Variants in GTF2A1L observed in about 807,000 individuals in gnomAD.
The protein encoded by GTF2A1L is TFIIA-alpha and beta-like factor.
In GTF2A1L, 48 loss-of-function variants were observed where a neutral mutation model predicts 49.7. The ratio of observed to expected loss-of-function variants is 0.97; its 90% CI spans 0.77 to 1.23. The LOEUF is 1.23. Ranked by LOEUF, GTF2A1L falls within the 50% of genes most tolerant of loss-of-function variation. The pLI is 0.00. For missense variants in GTF2A1L, 736 were observed against 564.8 expected (o/e 1.30, Z -3.07); for synonymous variants, 246 against 193.5 (o/e 1.27, Z -2.25).
intron 3 of GTF2A1L, among the ~76,000 whole-genome samples, chr2:48,627,252 A>C (rs532868562): frequency 1.4e-5 from 2 of 144,480 alleles, no homozygotes; most frequent in African/African-American, 4.9e-5. Flanking sequence ...ACTACACTAA[A>C]ACTCAACAAA....
chr2:48,676,236 A>T (rs1679460361), intron 8 of GTF2A1L, among the ~76,000 whole-genome samples: 1 of 151,836 alleles, frequency 6.6e-6, no homozygotes, highest in South Asian at 2.1e-4. Context: ...CTATTGTAGG[A>T]TTACTAAAAT....
chr2:48,655,486 C>G (rs1678119653), intron 6 of GTF2A1L, among the ~76,000 whole-genome samples: 1 of 151,886 alleles, frequency 6.6e-6, no homozygotes. Context: ...AGCCACCATG[C>G]CCAGCCTAAA....
At chr2:48,622,320 C>A (rs760725224) in intron 3 of GTF2A1L, among the ~76,000 whole-genome samples, 6 of 152,166 alleles carry the variant, frequency 3.9e-5, no homozygotes, top group Non-Finnish European at 7.3e-5. Context: ...TATAATTTTG[C>A]TCTGTAAGAA....
At position 48,659,908 on chromosome 2, in the gene GTF2A1L, A is replaced by G. The variant is rs144164972; in HGVS notation, c.979-9814A>G. 3.3e-5 allele frequency among the ~76,000 whole-genome samples: 5 copies of G among 152,302 alleles called. 1 individual carries two copies. The East Asian group carries it at 9.6e-4, about 29-fold the overall frequency. On this transcript the variant is annotated intron_variant, in intron 6 of 8. Transcript: ENST00000403751. ...GGAAACTTTAGAATTTTCTACATAT[A>G]AAGGCATAACATCTGTAAACAGAGA...
At chr2:48,621,987 G>T (rs909855435) in intron 3 of GTF2A1L, among the ~76,000 whole-genome samples, 1 of 152,086 alleles carries the variant, frequency 6.6e-6, no homozygotes, top group Non-Finnish European at 1.5e-5. Context: ...TTACTCATAT[G>T]TGTATATATA....
chr2:48,666,211 CTT>C (rs112657393), intron 6 of GTF2A1L, among the ~76,000 whole-genome samples: 3 of 143,756 alleles, frequency 2.1e-5, no homozygotes, highest in Non-Finnish European at 3.1e-5. Context: ...TTCTTTCTTT[CTT>C]TTTTTTTTTT....
rs545002855 is a variant in GTF2A1L, at chr2:48,625,133, C to T, written c.247+3843C>T. On this transcript the variant is annotated intron_variant, in intron 3 of 8. Coordinates refer to ENST00000403751, the MANE Select transcript of GTF2A1L (RefSeq NM_006872.5). ...CTATTTTTAATTTATTTAGGAATCT[C>T]TGCACAGTTTTATACAATGGCTGAC... Among the ~76,000 whole-genome samples the T allele has an allele frequency of 4.2e-4, 61 of 144,230 alleles. 11 individuals carry two copies. The highest frequency in any genetic ancestry group is 3.5e-3 in the South Asian group (15 of 4,248). 94.6% of individuals were successfully genotyped at this position (144,230 alleles called of 152,430 possible).
At chr2:48,651,307 T>A (rs11679449) in intron 6 of GTF2A1L, among the ~76,000 whole-genome samples, 26,023 of 152,122 alleles carry the variant, frequency 0.17, 2,570 homozygotes, top group South Asian at 0.24. Context: ...AATTCATAGA[T>A]GTATCAGCAG....
At chr2:48,619,963 T>C (rs1675887309) in intron 1 of GTF2A1L, among the ~76,000 whole-genome samples, 1 of 152,208 alleles carries the variant, frequency 6.6e-6, no homozygotes, top group African/African-American at 2.4e-5. Flanking sequence ...AAATCCGTTT[T>C]GGAACAGGTG....
At chr2:48,669,608 G>A in intron 6 of GTF2A1L, 114 bp from the exon 7 acceptor site, 1 of 1,278,006 alleles carries the variant, frequency 7.8e-7, no homozygotes, top group Non-Finnish European at 1.1e-6. Context: ...TGTCATAAGA[G>A]AGAAGTTTGC....
chr2:48,637,574 C>G (rs116921968), intron 3 of GTF2A1L, among the ~76,000 whole-genome samples: 1 of 151,752 alleles, frequency 6.6e-6, no homozygotes, highest in Non-Finnish European at 1.5e-5. Flanking sequence ...ATCAGAGAAG[C>G]AAGAACACTT....
At chr2:48,678,574 A>G (rs1679596422) in intron 8 of GTF2A1L, among the ~76,000 whole-genome samples, 1 of 152,018 alleles carries the variant, frequency 6.6e-6, no homozygotes, top group Admixed American at 6.6e-5. Context: ...CAGTTTACTT[A>G]GAGGTAGCAA....
At chr2:48,678,389 C>G (rs996029648) in intron 8 of GTF2A1L, among the ~76,000 whole-genome samples, 1 of 151,822 alleles carries the variant, frequency 6.6e-6, no homozygotes, top group Non-Finnish European at 1.5e-5. Context: ...GACTTTAAAA[C>G]CCCCCCACAA....
intron 6 of GTF2A1L, among the ~76,000 whole-genome samples, chr2:48,658,325 G>A (rs567709033): frequency 1.3e-5 from 2 of 152,276 alleles, no homozygotes; most frequent in African/African-American, 4.8e-5. Flanking sequence ...CATATGGCTA[G>A]CCAGCTATCC....
At chr2:48,677,796 A>C (rs539928547) in intron 8 of GTF2A1L, among the ~76,000 whole-genome samples, 2 of 152,134 alleles carry the variant, frequency 1.3e-5, no homozygotes, top group South Asian at 4.1e-4. Flanking sequence ...TATGTTTTGT[A>C]GGTAGAACTA....
chr2:48,678,028 A>AT (rs1679570030), intron 8 of GTF2A1L, among the ~76,000 whole-genome samples: 1 of 150,384 alleles, frequency 6.6e-6, no homozygotes, highest in Non-Finnish European at 1.5e-5. Flanking sequence ...AGTCTTTAAT[A>AT]TTTTTTCTGG....
At chr2:48,670,742 A>G (rs769687891) in intron 7 of GTF2A1L, among the ~76,000 whole-genome samples, 2 of 152,174 alleles carry the variant, frequency 1.3e-5, no homozygotes, top group Admixed American at 6.5e-5. Context: ...CTGATTTTAG[A>G]TATGAGGAAA....
At chr2:48,664,928 G>A (rs955920451) in intron 6 of GTF2A1L, among the ~76,000 whole-genome samples, 1 of 151,570 alleles carries the variant, frequency 6.6e-6, no homozygotes, top group African/African-American at 2.4e-5. Context: ...TTATTTATTT[G>A]TTTATTTATT....
chr2:48,670,052 A>G, intron 7 of GTF2A1L, 70 bp downstream of exon 7: 4 of 1,521,388 alleles, frequency 2.6e-6, no homozygotes, highest in Non-Finnish European at 3.5e-6. Flanking sequence ...ATGCCTTGGA[A>G]CCAAAAGGAA....
Sources: gnomAD v4.1 joint callset for allele counts (sites outside exome capture counted in the v4.1 genomes callset) on GRCh38, gnomAD v4.1.1 for gene constraint, MANE v1.5 for transcripts, NCBI Gene and HGNC (gene_info 2026-07-23, HGNC 2026-07-21) for gene names.